The following DTNBP1 variants were observed in gnomAD, a reference collection of about 807,000 sequenced individuals.
DTNBP1 encodes the protein dysbindin.
A neutral mutation model predicts 42.8 loss-of-function variants in DTNBP1; 35 were observed. That is an observed-to-expected ratio of 0.82 (90% CI 0.63 to 1.09). The LOEUF (loss-of-function observed/expected upper bound fraction) is 1.09, where lower values mean the gene tolerates loss of function less well. DTNBP1 is among the 50% of genes least tolerant of loss of function. DTNBP1 has a pLI of 0.00. For missense variants in DTNBP1, 457 were observed against 424.2 expected (o/e 1.08, Z -0.68); for synonymous variants, 171 against 162.2 (o/e 1.05, Z -0.41).
chr6:15,654,915 C>T (rs1444064619), intron 1 of DTNBP1, among the ~76,000 whole-genome samples: 1 of 152,128 alleles, frequency 6.6e-6, no homozygotes, highest in African/African-American at 2.4e-5. Context: ...TTAGTTATGA[C>T]ATCAGCACTG....
chr6:15,596,984 G>A (rs564833494), intron 6 of DTNBP1, among the ~76,000 whole-genome samples: 11 of 152,124 alleles, frequency 7.2e-5, no homozygotes, highest in East Asian at 1.9e-4. Context: ...TCTCTCCATC[G>A]TCACTGCCAT....
At chr6:15,656,729 C>G (rs563687232) in intron 1 of DTNBP1, among the ~76,000 whole-genome samples, 45 of 152,148 alleles carry the variant, frequency 3.0e-4, no homozygotes, top group African/African-American at 1.0e-3. Flanking sequence ...GCCTGGGTGA[C>G]AGAGTGAGAC....
chr6:15,576,211 C>T (rs1178043214), intron 7 of DTNBP1, among the ~76,000 whole-genome samples: 3 of 151,908 alleles, frequency 2.0e-5, no homozygotes, highest in Admixed American at 6.6e-5. Context: ...CTCCACCTCC[C>T]GAGTTAAAGC....
At chr6:15,633,372 C>T (rs917436120) in intron 4 of DTNBP1, among the ~76,000 whole-genome samples, 1 of 152,120 alleles carries the variant, frequency 6.6e-6, no homozygotes, top group African/African-American at 2.4e-5. Context: ...TTCTAGATGC[C>T]ATCACACAAC....
intron 6 of DTNBP1, among the ~76,000 whole-genome samples, chr6:15,609,862 T>C (rs530325038): frequency 6.6e-6 from 1 of 152,210 alleles, no homozygotes; most frequent in Admixed American, 6.5e-5. Flanking sequence ...TTTCACCACA[T>C]ACATACAACC....
intron 1 of DTNBP1, among the ~76,000 whole-genome samples, chr6:15,652,470 C>A (rs1325091348): frequency 6.6e-6 from 1 of 152,046 alleles, no homozygotes; most frequent in African/African-American, 2.4e-5. Flanking sequence ...GCATGAGCCA[C>A]CCCACCCAGC....
intron 7 of DTNBP1, among the ~76,000 whole-genome samples, chr6:15,551,119 T>C (rs1432385053): frequency 1.3e-5 from 2 of 151,832 alleles, no homozygotes; most frequent in Non-Finnish European, 2.9e-5. Context: ...AACTGCTCTA[T>C]AGATGAAGGG....
chr6:15,566,083 G>A (rs1775059817), intron 7 of DTNBP1, among the ~76,000 whole-genome samples: 1 of 152,090 alleles, frequency 6.6e-6, no homozygotes, highest in Non-Finnish European at 1.5e-5. Flanking sequence ...GGGAGGCCGA[G>A]GCGGGCGGAT....
At chr6:15,629,676 T>C (rs1011560490) in intron 4 of DTNBP1, among the ~76,000 whole-genome samples, 5 of 152,158 alleles carry the variant, frequency 3.3e-5, no homozygotes, top group Admixed American at 2.6e-4. Flanking sequence ...AATTTACATA[T>C]ATTATCTCAT....
intron 6 of DTNBP1, among the ~76,000 whole-genome samples, chr6:15,609,855 C>T (rs1254962263): frequency 5.3e-5 from 8 of 152,174 alleles, no homozygotes; most frequent in Admixed American, 5.2e-4. Context: ...CTAGCTGTTT[C>T]ACCACATACA....
chr6:15,662,263 A>C (rs568363311), intron 1 of DTNBP1, among the ~76,000 whole-genome samples: 1 of 152,284 alleles, frequency 6.6e-6, no homozygotes, highest in African/African-American at 2.4e-5. Context: ...CGCAACGGGG[A>C]GGGGCGGCCA....
At chr6:15,590,695 C>T (rs775625621) in intron 7 of DTNBP1, among the ~76,000 whole-genome samples, 2 of 152,128 alleles carry the variant, frequency 1.3e-5, no homozygotes, top group Non-Finnish European at 2.9e-5. Context: ...GAAAAATTTC[C>T]TACTGCCAAT....
At chr6:15,624,212 A>T (rs948760098) in intron 5 of DTNBP1, among the ~76,000 whole-genome samples, 2 of 152,240 alleles carry the variant, frequency 1.3e-5, no homozygotes, top group Non-Finnish European at 2.9e-5. Context: ...CAGACAAGAA[A>T]ACTAAAGCTT....
chr6:15,600,522 AT>A (rs1340713252), intron 6 of DTNBP1, among the ~76,000 whole-genome samples: 1 of 152,138 alleles, frequency 6.6e-6, no homozygotes, highest in East Asian at 1.9e-4. Flanking sequence ...TAATATCTAC[AT>A]TTGGGAAAAA....
rs570194350 is a variant in DTNBP1 at position 15,589,945 on chromosome 6, T to G, written c.511+3114A>C. On this transcript the variant is annotated intron_variant, in intron 7 of 9. Coordinates refer to ENST00000344537, the MANE Select transcript of DTNBP1 (RefSeq NM_032122.5). ...CTAACTACTCATACACTTCTTTTTT[T>G]GGAGACAGAGTCTTACTCTGTTGCC... is the stretch of plus-strand genomic sequence containing the variant. 6.6e-5 allele frequency among the ~76,000 whole-genome samples: 10 copies of G among 152,354 alleles called. No individual in the cohort carries two copies. The East Asian group carries it at 1.9e-3, about 29-fold the overall frequency.
chr6:15,595,250 C>CTTTTTTTTTT, intron 6 of DTNBP1: 2 of 302,994 alleles, frequency 6.6e-6, no homozygotes, highest in Admixed American at 4.8e-5. Context: ...TATTATGCAA[C>CTTTTTTTTTT]TTTTTTTTTT....
At chr6:15,546,593 T>C (rs1014757805) in intron 7 of DTNBP1, among the ~76,000 whole-genome samples, 27 of 152,148 alleles carry the variant, frequency 1.8e-4, no homozygotes, top group African/African-American at 5.6e-4. Context: ...GGCCATGTGA[T>C]TGATTGAAGA....
intron 1 of DTNBP1, among the ~76,000 whole-genome samples, chr6:15,656,462 T>C (rs886626701): frequency 5.9e-5 from 9 of 152,198 alleles, no homozygotes; most frequent in Non-Finnish European, 8.8e-5. Flanking sequence ...GTCTTTGAGC[T>C]TTGTAGAAAA....
chr6:15,558,273 CT>C (rs58029295), intron 7 of DTNBP1, among the ~76,000 whole-genome samples: 20,109 of 136,376 alleles, frequency 0.15, 1,688 homozygotes, highest in African/African-American at 0.29. Context: ...GATGAGTACT[CT>C]TTTTTTTTTT....
Sources: allele counts gnomAD v4.1 joint callset (sites outside exome capture counted in the v4.1 genomes callset), GRCh38; gene constraint gnomAD v4.1.1; transcripts MANE v1.5; gene names NCBI Gene and HGNC (gene_info 2026-07-23, HGNC 2026-07-21).